CERS3: variants seen among roughly 807,000 people sequenced by gnomAD.
CERS3 encodes the protein ceramide synthase 3.
A neutral mutation model predicts 50.3 loss-of-function variants in CERS3; 33 were observed. The ratio of observed to expected loss-of-function variants is 0.66; its 90% CI spans 0.50 to 0.88. The LOEUF is 0.88. CERS3 is among the 40% of genes least tolerant of loss of function. The pLI is 0.00. For missense variants in CERS3, 470 were observed against 460.3 expected (o/e 1.02, Z -0.19); for synonymous variants, 176 against 155.2 (o/e 1.13, Z -0.99).
At chr15:100,435,853 G>A (rs990020649) in intron 11 of CERS3, among the ~76,000 whole-genome samples, 8 of 152,184 alleles carry the variant, frequency 5.3e-5, no homozygotes, top group Non-Finnish European at 1.0e-4. Flanking sequence ...CATCTGTGTG[G>A]CCAACAAACA....
chr15:100,528,448 C>T (rs1431418270), intron 1 of CERS3, among the ~76,000 whole-genome samples: 3 of 152,128 alleles, frequency 2.0e-5, no homozygotes, highest in African/African-American at 4.8e-5. Context: ...AGCATTCAGC[C>T]GTGTGTGATT....
intron 11 of CERS3, among the ~76,000 whole-genome samples, chr15:100,413,554 A>G (rs934368574): frequency 7.9e-5 from 9 of 113,912 alleles, no homozygotes; most frequent in Admixed American, 1.8e-4. Flanking sequence ...ATACTATACT[A>G]TACTATATGC....
intron 10 of CERS3, among the ~76,000 whole-genome samples, chr15:100,462,109 T>C (rs1216524888): frequency 1.3e-5 from 2 of 152,204 alleles, no homozygotes; most frequent in African/African-American, 4.8e-5. Context: ...TTACAGCAAC[T>C]GAATGGAATT....
intron 10 of CERS3, among the ~76,000 whole-genome samples, chr15:100,468,550 C>G (rs914634598): frequency 4.6e-5 from 7 of 152,300 alleles, no homozygotes; most frequent in African/African-American, 1.7e-4. Context: ...ACTTGAGTCT[C>G]CATCCATTTC....
chr15:100,532,393 T>C (rs890008317), upstream of CERS3, among the ~76,000 whole-genome samples: 1 of 152,182 alleles, frequency 6.6e-6, no homozygotes, highest in African/African-American at 2.4e-5. Context: ...CAACAAACTG[T>C]TTTCTTCTCA....
chr15:100,405,233 TAAAAA>T (rs752244347), intron 11 of CERS3, among the ~76,000 whole-genome samples: 15 of 34,894 alleles, frequency 4.3e-4, no homozygotes, highest in South Asian at 1.3e-3. Context: ...AACTCAATGG[TAAAAA>T]AAAAAAAAAA....
rs911977104 is a variant in CERS3 at position 100,400,554 on chromosome 15, A to G, written c.*2159T>C. The G allele has an allele frequency of 6.6e-6, 1 of 152,194 alleles. No homozygotes were observed. The highest frequency in any genetic ancestry group is 1.5e-5 in the Non-Finnish European group (1 of 68,030). 9.4% of individuals were successfully genotyped at this position (152,194 alleles called of 1,614,324 possible). A position where few individuals can be genotyped will look rare whatever the true frequency, so the allele number is the denominator to read the frequency against. Reference sequence around the variant, plus strand: ...AACCACAAAAGCCCTAAATAGTGTTACAAAAATGAGTATCTACTTCTTATG... The same window carrying G: ...AACCACAAAAGCCCTAAATAGTGTTGCAAAAATGAGTATCTACTTCTTATG... On this transcript the variant is annotated 3_prime_UTR_variant, in exon 12 of 12. Transcript: ENST00000679737.
At chr15:100,502,282 AGAAAG>A (rs1191550558) in intron 2 of CERS3, among the ~76,000 whole-genome samples, 91 of 150,046 alleles carry the variant, frequency 6.1e-4, no homozygotes, top group Non-Finnish European at 8.0e-4. Context: ...AAAGAAAGAA[AGAAAG>A]AAAATAAGGC....
chr15:100,517,721 C>T (rs918129727), intron 2 of CERS3, among the ~76,000 whole-genome samples: 13 of 152,096 alleles, frequency 8.5e-5, no homozygotes, highest in African/African-American at 3.1e-4. Context: ...GTTGTACAGC[C>T]TACAGCCCCC....
rs1567638733 is a variant in CERS3, at chr15:100,466,841, C to CTTTCTCTCTTTCTCTCTT, written c.845+2536_845+2537insAAGAGAGAAAGAGAGAAA. 9.1e-4 allele frequency among the ~76,000 whole-genome samples: 8 copies of CTTTCTCTCTTTCTCTCTT among 8,798 alleles called. 1 individual carries two copies. The highest frequency in any genetic ancestry group is 1.6e-3 in the African/African-American group (8 of 4,970). The allele number at this position is 8,798 out of a possible 152,430, so 5.8% of individuals were successfully genotyped here. On this transcript the variant is annotated intron_variant, in intron 10 of 11. Transcript: ENST00000679737. ...CCTCTCTCCCTCTCTCCCTCTCTCCCTCTCTCTTTCTCTCTTTCTTTCTTT... is the reference window on the plus strand; with the variant it reads ...CCTCTCTCCCTCTCTCCCTCTCTCCCTTTCTCTCTTTCTCTCTTTCTCTCTTTCTCTCTTTCTTTCTTT...
At chr15:100,475,994 A>C in intron 8 of CERS3, 92 bp downstream of exon 8, 1 of 782,286 alleles carries the variant, frequency 1.3e-6, no homozygotes, top group East Asian at 3.0e-5. Context: ...CCAAAAACAC[A>C]GAAAAATACA....
rs1292941305 is a variant in CERS3 at position 100,466,823 on chromosome 15, C to CTTT, written c.845+2554_845+2555insAAA. On this transcript the variant is annotated intron_variant, in intron 10 of 11. Transcript: ENST00000679737. ...TCCCTCCCTCCCTCCCTCCCTCTCTCCCTCTCTCCCTCTCTCCCTCTCTCT... is the reference window on the plus strand; with the variant it reads ...TCCCTCCCTCCCTCCCTCCCTCTCTCTTTCCTCTCTCCCTCTCTCCCTCTCTCT... Among the ~76,000 whole-genome samples, 266 of 65,358 alleles carry CTTT rather than the reference C, an allele frequency of 4.1e-3. 5 individuals carry two copies. The highest frequency in any genetic ancestry group is 0.012 in the South Asian group (13 of 1,068). 42.9% of individuals were successfully genotyped at this position (65,358 alleles called of 152,430 possible).
At chr15:100,457,071 AT>A (rs553555161) in intron 10 of CERS3, among the ~76,000 whole-genome samples, 62 of 152,260 alleles carry the variant, frequency 4.1e-4, no homozygotes, top group African/African-American at 1.4e-3. Flanking sequence ...TATAGAAATA[AT>A]TTTTTTCATG....
chr15:100,513,317 T>C (rs114244566), intron 2 of CERS3, among the ~76,000 whole-genome samples: 2,038 of 152,260 alleles, frequency 0.013, 56 homozygotes, highest in African/African-American at 0.047. Flanking sequence ...AGAGGCTTTT[T>C]CTCCAAAATG....
chr15:100,440,050 T>A (rs925874638), intron 11 of CERS3, among the ~76,000 whole-genome samples: 1 of 152,236 alleles, frequency 6.6e-6, no homozygotes, highest in African/African-American at 2.4e-5. Flanking sequence ...TTCAAGCCTG[T>A]AATTATTGTC....
At chr15:100,455,780 A>C in intron 11 of CERS3, 113 bp downstream of exon 11, 1 of 733,816 alleles carries the variant, frequency 1.4e-6, no homozygotes, top group Non-Finnish European at 2.0e-6. Context: ...TAATAAAATC[A>C]AGAAAAAAGA....
At chr15:100,491,069 A>G (rs2035636330) in intron 3 of CERS3, 138 bp from the exon 4 acceptor site, 2 of 568,892 alleles carry the variant, frequency 3.5e-6, no homozygotes, top group East Asian at 6.3e-5. Flanking sequence ...ACGTACAGCC[A>G]AAATCTGTCT....
chr15:100,425,390 G>T (rs1422629352), intron 11 of CERS3, among the ~76,000 whole-genome samples: 2 of 152,234 alleles, frequency 1.3e-5, no homozygotes, highest in African/African-American at 4.8e-5. Context: ...AGCTGCCCAG[G>T]GCCTTAGGAG....
At chr15:100,457,798 CA>C (rs2034425108) in intron 10 of CERS3, among the ~76,000 whole-genome samples, 1 of 152,154 alleles carries the variant, frequency 6.6e-6, no homozygotes, top group African/African-American at 2.4e-5. Context: ...ATGAGAATGT[CA>C]GTTGTTCTAT....
Sources: gnomAD v4.1 joint callset for allele counts (sites outside exome capture counted in the v4.1 genomes callset) on GRCh38, gnomAD v4.1.1 for gene constraint, MANE v1.5 for transcripts, NCBI Gene and HGNC (gene_info 2026-07-23, HGNC 2026-07-21) for gene names.